Variants in LMNTD1 observed in about 807,000 individuals in gnomAD.
The protein encoded by LMNTD1 is lamin tail domain-containing protein 1.
Under a neutral mutation model 50.9 loss-of-function variants are expected in LMNTD1, and 35 were observed. The observed-to-expected ratio is 0.69, with a 90% confidence interval of 0.53 to 0.91. The LOEUF is 0.91. LMNTD1 is among the 40% of genes least tolerant of loss of function. The pLI, the probability that LMNTD1 is intolerant of heterozygous loss-of-function variation, is 0.00. For synonymous variants in LMNTD1, 153 were observed against 161.9 expected, an observed-to-expected ratio of 0.94 and a Z score of 0.42; for missense variants, 470 against 475.5, an observed-to-expected ratio of 0.99 and a Z score of 0.11.
intron 1 of LMNTD1, among the ~76,000 whole-genome samples, chr12:25,634,522 T>C (rs1946785909): frequency 1.3e-5 from 2 of 152,170 alleles, no homozygotes; most frequent in Non-Finnish European, 2.9e-5. Context: ...AGGGATGGTT[T>C]AACAGACGCA....
intron 8 of LMNTD1, among the ~76,000 whole-genome samples, chr12:25,510,041 T>C (rs1940138664): frequency 2.0e-5 from 3 of 152,348 alleles, no homozygotes; most frequent in South Asian, 2.1e-4. Context: ...TTGTCATGTA[T>C]TTAAATTCTA....
At chr12:25,608,120 G>C (rs1365422713) in intron 1 of LMNTD1, among the ~76,000 whole-genome samples, 2 of 151,960 alleles carry the variant, frequency 1.3e-5, no homozygotes, top group African/African-American at 4.8e-5. Flanking sequence ...ATCTTTGTTG[G>C]TTTAAAGTCT....
At chr12:25,524,208 T>C (rs1035918186) in intron 6 of LMNTD1, among the ~76,000 whole-genome samples, 1 of 152,232 alleles carries the variant, frequency 6.6e-6, no homozygotes, top group Non-Finnish European at 1.5e-5. Flanking sequence ...ATTGTTTCAC[T>C]GTATTGCAAT....
At chr12:25,547,772 C>T (rs1399370129) in intron 3 of LMNTD1, among the ~76,000 whole-genome samples, 2 of 151,596 alleles carry the variant, frequency 1.3e-5, no homozygotes. Flanking sequence ...CTTGGTATTC[C>T]AAAAGAAAAG....
chr12:25,616,799 G>C (rs1946362192), intron 1 of LMNTD1, among the ~76,000 whole-genome samples: 1 of 152,054 alleles, frequency 6.6e-6, no homozygotes, highest in Non-Finnish European at 1.5e-5. Context: ...GAAACTATAG[G>C]GACAGAAAAC....
intron 9 of LMNTD1, among the ~76,000 whole-genome samples, chr12:25,486,629 T>C (rs1382714688): frequency 6.7e-6 from 1 of 149,874 alleles, no homozygotes; most frequent in African/African-American, 2.5e-5. Flanking sequence ...CAGTATGATA[T>C]TGGCTGTGGG....
intron 5 of LMNTD1, among the ~76,000 whole-genome samples, 182 bp downstream of exon 5, chr12:25,526,587 G>A (rs1390380071): frequency 6.6e-6 from 1 of 152,098 alleles, no homozygotes; most frequent in Admixed American, 6.5e-5. Context: ...ATTTAACTGT[G>A]GGTATTAATT....
intron 2 of LMNTD1, among the ~76,000 whole-genome samples, chr12:25,552,516 A>C (rs61111221): frequency 0.02 from 2,782 of 139,222 alleles, 110 homozygotes; most frequent in African/African-American, 0.068. Context: ...CTGAGGCAAG[A>C]GAATGGCGTG....
intron 8 of LMNTD1, among the ~76,000 whole-genome samples, chr12:25,505,238 T>G (rs1939663052): frequency 6.6e-6 from 1 of 152,188 alleles, no homozygotes; most frequent in Admixed American, 6.5e-5. Context: ...AACTTTAATC[T>G]AAATCCCCTG....
chr12:25,489,599 A>T (rs1376138756), intron 9 of LMNTD1, among the ~76,000 whole-genome samples: 3 of 150,496 alleles, frequency 2.0e-5, no homozygotes, highest in Middle Eastern at 3.4e-3. Flanking sequence ...TGCGTCGCTC[A>T]CGCTGGGAGC....
At chr12:25,537,256 G>C (rs1056274943) in intron 4 of LMNTD1, among the ~76,000 whole-genome samples, 3 of 152,200 alleles carry the variant, frequency 2.0e-5, no homozygotes, top group Non-Finnish European at 4.4e-5. Context: ...GCCTCTGTAG[G>C]CTCCACCTCT....
At chr12:25,569,944 C>T (rs1276629876) in intron 1 of LMNTD1, among the ~76,000 whole-genome samples, 1 of 152,172 alleles carries the variant, frequency 6.6e-6, no homozygotes, top group African/African-American at 2.4e-5. Flanking sequence ...GCAAGAACAG[C>T]CTAATATATG....
intron 2 of LMNTD1, among the ~76,000 whole-genome samples, chr12:25,552,175 T>C (rs1275950297): frequency 6.6e-6 from 1 of 152,232 alleles, no homozygotes; most frequent in Non-Finnish European, 1.5e-5. Flanking sequence ...ATGAATGATT[T>C]ATATTAAATG....
At position 25,527,665 on chromosome 12, in the gene LMNTD1, TATATATATATATATATACAC is replaced by T. The variant is rs1356078516; in HGVS notation, c.492-730_492-711del. 3.0e-3 allele frequency among the ~76,000 whole-genome samples: 147 copies of T among 49,016 alleles called. 1 individual carries two copies. Among genetic ancestry groups the T allele is most frequent in the East Asian group, 0.012 (5 of 412 alleles). The allele number at this position is 49,016 out of a possible 152,430, so 32.2% of individuals were successfully genotyped here. A position where few individuals can be genotyped will look rare whatever the true frequency, so the allele number is the denominator to read the frequency against. ...CTATATATATATATATATATATATA[TATATATATATATATATACAC>T]ACACACACACACACACACACACACA... is the stretch of plus-strand genomic sequence containing the variant. On this transcript the variant is annotated intron_variant, in intron 4 of 9. Coordinates refer to ENST00000458174, the MANE Select transcript of LMNTD1 (RefSeq NM_001145728.2).
intron 1 of LMNTD1, among the ~76,000 whole-genome samples, chr12:25,598,004 A>G (rs1397901222): frequency 1.3e-5 from 2 of 152,080 alleles, no homozygotes; most frequent in African/African-American, 4.8e-5. Flanking sequence ...GTCATAGTGA[A>G]TAAGTCTCAT....
At chr12:25,548,884 T>C (rs1943586863) in intron 3 of LMNTD1, among the ~76,000 whole-genome samples, 1 of 152,050 alleles carries the variant, frequency 6.6e-6, no homozygotes, top group Non-Finnish European at 1.5e-5. Context: ...CTACTTTATG[T>C]TACTTCTTTG....
intron 1 of LMNTD1, among the ~76,000 whole-genome samples, chr12:25,582,834 AT>A (rs1000603626): frequency 7.2e-5 from 11 of 152,262 alleles, no homozygotes; most frequent in African/African-American, 2.6e-4. Flanking sequence ...CTAATATATA[AT>A]AAGTTATTTA....
At chr12:25,564,479 G>A (rs1280450647) in intron 1 of LMNTD1, among the ~76,000 whole-genome samples, 1 of 152,074 alleles carries the variant, frequency 6.6e-6, no homozygotes, top group African/African-American at 2.4e-5. Flanking sequence ...GGCTGATCTA[G>A]AACTCCTGAC....
intron 1 of LMNTD1, among the ~76,000 whole-genome samples, chr12:25,645,298 A>C (rs1452101332): frequency 1.3e-5 from 2 of 152,218 alleles, no homozygotes; most frequent in East Asian, 3.8e-4. Context: ...AAGAGAAGCA[A>C]GGTTTCGAGA....
Sources: allele counts gnomAD v4.1 joint callset (sites outside exome capture counted in the v4.1 genomes callset), GRCh38; gene constraint gnomAD v4.1.1; transcripts MANE v1.5; gene names NCBI Gene and HGNC (gene_info 2026-07-23, HGNC 2026-07-21).